The following MYO10 variants were observed in gnomAD, a reference collection of about 807,000 sequenced individuals.
MYO10 encodes the protein myosin X, also known as unconventional myosin-X.
A neutral mutation model predicts 257.3 loss-of-function variants in MYO10; 133 were observed. That is an observed-to-expected ratio of 0.52 (90% CI 0.45 to 0.60). The LOEUF is 0.60. Among genes scored for constraint, MYO10 ranks in the 20% least tolerant of loss-of-function variants. The pLI is 0.00. For missense variants in MYO10, 2,399 were observed against 2,635.7 expected (o/e 0.91, Z 1.97); for synonymous variants, 1,104 against 1,028.6 (o/e 1.07, Z -1.40).
intron 1 of MYO10, among the ~76,000 whole-genome samples, chr5:16,904,868 G>T (rs1745479432): frequency 6.6e-6 from 1 of 151,992 alleles, no homozygotes; most frequent in Non-Finnish European, 1.5e-5. Context: ...GGCGGAGCTT[G>T]CAGTGAGCCG....
At position 16,792,708 on chromosome 5, in the gene MYO10, C is replaced by A. The variant is rs551543902; in HGVS notation, c.467+1938G>T. On this transcript the variant is annotated intron_variant, in intron 4 of 40. Transcript: ENST00000513610. ...CATGGCCACCAGTTACCTGGCTATA[C>A]CCATGACCAGGTGGGTCTGTCTGTG... is the stretch of plus-strand genomic sequence containing the variant. Among the ~76,000 whole-genome samples the A allele has an allele frequency of 3.3e-5, 5 of 152,274 alleles. No homozygotes were observed. In the South Asian group the frequency reaches 1.0e-3, roughly 32 times the overall value.
chr5:16,842,159 C>T (rs997335560), intron 2 of MYO10, among the ~76,000 whole-genome samples: 1 of 152,224 alleles, frequency 6.6e-6, no homozygotes, highest in South Asian at 2.1e-4. Flanking sequence ...AGATCATGTG[C>T]CCCCAGACCT....
rs116491733 is a variant in MYO10, at chr5:16,850,172, T to C, written c.120+27437A>G. Among the ~76,000 whole-genome samples, 393 of 152,346 alleles carry C rather than the reference T, an allele frequency of 2.6e-3. 5 individuals are homozygous for C. The highest frequency in any genetic ancestry group is 9.0e-3 in the African/African-American group (373 of 41,586). On this transcript the variant is annotated intron_variant, in intron 2 of 40. Transcript: ENST00000513610. ...CTGTGCCTGGAGATATTAGGGAAAA[T>C]GTCTTCATCAAATGGCACCATCGAT...
At chr5:16,889,526 G>C (rs1035881397) in intron 1 of MYO10, among the ~76,000 whole-genome samples, 1 of 92,224 alleles carries the variant, frequency 1.1e-5, no homozygotes. Flanking sequence ...AAGGAAGGAA[G>C]GAAGGAAGGG....
chr5:16,804,736 G>A (rs556643752), intron 3 of MYO10, among the ~76,000 whole-genome samples: 65 of 152,130 alleles, frequency 4.3e-4, no homozygotes, highest in African/African-American at 1.5e-3. Flanking sequence ...GCAATGTGGC[G>A]AAACCCCATC....
intron 3 of MYO10, among the ~76,000 whole-genome samples, chr5:16,801,239 G>A (rs113198607): frequency 2.0e-5 from 3 of 152,054 alleles, no homozygotes; most frequent in Non-Finnish European, 2.9e-5. Context: ...ACAGAGTCTC[G>A]CTCCGTTGCC....
chr5:16,839,390 C>T lies in MYO10; in HGVS notation c.121-21223G>A, dbSNP rs977752320. Among the ~76,000 whole-genome samples the T allele has an allele frequency of 4.6e-5, 7 of 152,184 alleles. No individual in the cohort carries two copies. The East Asian group carries it at 1.4e-3, about 29-fold the overall frequency. On this transcript the variant is annotated intron_variant, in intron 2 of 40. Coordinates refer to ENST00000513610, the MANE Select transcript of MYO10 (RefSeq NM_012334.3). ...GCAGATGTGGTGGGAATAGCAAGGG[C>T]ACTAGAATTAGAAGTGGAGCCTGAA...
chr5:16,867,656 GGCTTTAAGTGGGAGCTGCGATT>G (rs1043862427), intron 2 of MYO10, among the ~76,000 whole-genome samples: 3 of 152,152 alleles, frequency 2.0e-5, no homozygotes, highest in African/African-American at 7.2e-5. Context: ...AGTCAGAGAC[GGCTTTAAGTGGGAGCTGCGATT>G]GCTTTAAGTG....
At position 16,919,277 on chromosome 5, in the gene MYO10, C is replaced by T. The variant is rs560532318; in HGVS notation, c.21+16511G>A. 2.6e-5 allele frequency among the ~76,000 whole-genome samples: 4 copies of T among 152,250 alleles called. No homozygotes were observed. The East Asian group carries it at 7.8e-4, about 30-fold the overall frequency. ...CCTGTAATTCGAGCTATTCAGGAGG[C>T]TGAGGCATGAGAATCTCTTGAACCC... On this transcript the variant is annotated intron_variant, in intron 1 of 40. Transcript: ENST00000513610.
intron 1 of MYO10, among the ~76,000 whole-genome samples, chr5:16,919,646 G>A (rs369768169): frequency 6.6e-6 from 1 of 152,176 alleles, no homozygotes; most frequent in Non-Finnish European, 1.5e-5. Flanking sequence ...CCCATGGTAA[G>A]TGTCCAATAA....
chr5:16,907,431 A>G (rs1745548265), intron 1 of MYO10, among the ~76,000 whole-genome samples: 1 of 152,132 alleles, frequency 6.6e-6, no homozygotes, highest in East Asian at 1.9e-4. Flanking sequence ...GGAAAAGAAT[A>G]AAAGTCCCCA....
rs1553997183 is a variant in MYO10, at chr5:16,796,200, AAAAG to A, written c.280-1371_280-1368del. ...CGAGACTCTGTCAAAAAAAAAAAAA[AAAAG>A]AAAGAACAGAGAGAGAGCGAGAAAG... is the stretch of plus-strand genomic sequence containing the variant. On this transcript the variant is annotated intron_variant, in intron 3 of 40. Transcript: ENST00000513610. 3.8e-3 allele frequency among the ~76,000 whole-genome samples: 299 copies of A among 77,898 alleles called. 4 individuals carry two copies. The highest frequency in any genetic ancestry group is 7.8e-3 in the South Asian group (14 of 1,804). 51.1% of individuals were successfully genotyped at this position (77,898 alleles called of 152,430 possible).
chr5:16,781,948 T>G (rs936085671), intron 5 of MYO10, 119 bp from the exon 6 acceptor site: 2 of 1,234,290 alleles, frequency 1.6e-6, no homozygotes, highest in Admixed American at 2.2e-5. Context: ...CCAAAAGGAC[T>G]GAGGGTGGCA....
chr5:16,692,177 T>C (rs575777087), intron 27 of MYO10, among the ~76,000 whole-genome samples: 1 of 152,264 alleles, frequency 6.6e-6, no homozygotes, highest in South Asian at 2.1e-4. Flanking sequence ...TCCCAGCACT[T>C]TGGGAGGCTG....
intron 2 of MYO10, among the ~76,000 whole-genome samples, chr5:16,833,131 G>A (rs183679397): frequency 1.3e-4 from 20 of 151,948 alleles, no homozygotes; most frequent in African/African-American, 3.6e-4. Flanking sequence ...TAAAGCCAAC[G>A]TTTCTCAAAT....
At chr5:16,717,094 T>C (rs1365518488) in intron 19 of MYO10, among the ~76,000 whole-genome samples, 2 of 152,094 alleles carry the variant, frequency 1.3e-5, no homozygotes, top group Non-Finnish European at 2.9e-5. Flanking sequence ...ACCTCACCCT[T>C]CCAAAATGCT....
chr5:16,715,392 A>ATATTTTTT (rs1554038579), intron 19 of MYO10, among the ~76,000 whole-genome samples: 14 of 84,342 alleles, frequency 1.7e-4, no homozygotes, highest in African/African-American at 6.1e-4. Context: ...TAAGATTGAA[A>ATATTTTTT]TTTTTTTTTT....
chr5:16,903,215 A>T (rs376501541), intron 1 of MYO10, among the ~76,000 whole-genome samples: 1 of 152,034 alleles, frequency 6.6e-6, no homozygotes. Flanking sequence ...GACCAGCCTG[A>T]CCAACATGGT....
intron 2 of MYO10, among the ~76,000 whole-genome samples, chr5:16,835,044 GGCACAC>G (rs1378622564): frequency 6.6e-6 from 1 of 151,954 alleles, no homozygotes; most frequent in Non-Finnish European, 1.5e-5. Context: ...CCACCGTGGT[GGCACAC>G]GCCTGTACCC....
Sources: gnomAD v4.1 joint callset for allele counts (sites outside exome capture counted in the v4.1 genomes callset) on GRCh38, gnomAD v4.1.1 for gene constraint, MANE v1.5 for transcripts, NCBI Gene and HGNC (gene_info 2026-07-23, HGNC 2026-07-21) for gene names.